The following KCNU1 variants were observed in gnomAD, a reference collection of about 807,000 sequenced individuals.
The protein encoded by KCNU1 is potassium calcium-activated channel subfamily U member 1, also known as potassium channel subfamily U member 1.
Under a neutral mutation model 126.8 loss-of-function variants are expected in KCNU1, and 93 were observed. That is an observed-to-expected ratio of 0.73 (90% CI 0.62 to 0.87). The LOEUF is 0.87. Ranked by LOEUF, KCNU1 falls within the 40% of genes least tolerant of loss-of-function variation. The probability of loss-of-function intolerance (pLI) is 0.00; values close to 1 mark genes in which losing one functional copy is unlikely to be tolerated. For synonymous variants in KCNU1, 523 were observed against 494.2 expected (o/e 1.06, Z -0.77); for missense variants, 1,330 against 1,367.1 (o/e 0.97, Z 0.43).
At chr8:36,839,590 T>C (rs139970028) in intron 14 of KCNU1, among the ~76,000 whole-genome samples, 15 of 152,316 alleles carry the variant, frequency 9.8e-5, no homozygotes, top group Non-Finnish European at 2.1e-4. Context: ...CAGAATTGTT[T>C]GTCTATGTGT....
chr8:36,792,705 G>T (rs977314720), intron 2 of KCNU1, among the ~76,000 whole-genome samples: 1 of 152,072 alleles, frequency 6.6e-6, no homozygotes, highest in Non-Finnish European at 1.5e-5. Context: ...GATGAAAAAT[G>T]CTGTCTATAG....
chr8:36,908,464 T>C (rs1358092625), intron 20 of KCNU1, among the ~76,000 whole-genome samples: 1 of 151,722 alleles, frequency 6.6e-6, no homozygotes, highest in Admixed American at 6.6e-5. Flanking sequence ...GTTGGTGTGC[T>C]GCACCCATTA....
At chr8:36,825,301 T>G (rs1318496989) in intron 10 of KCNU1, among the ~76,000 whole-genome samples, 1 of 152,220 alleles carries the variant, frequency 6.6e-6, no homozygotes, top group Non-Finnish European at 1.5e-5. Context: ...GATGATCCAT[T>G]TGTCTTGACC....
chr8:36,894,636 A>T (rs920570059), intron 19 of KCNU1, among the ~76,000 whole-genome samples: 1 of 152,148 alleles, frequency 6.6e-6, no homozygotes, highest in Non-Finnish European at 1.5e-5. Flanking sequence ...GTTATTATTT[A>T]TTCAAGGAGT....
In KCNU1 at chr8:36,814,203, A is replaced by G. The variant is rs753915460; in HGVS notation, c.733-4A>G. The G allele has an allele frequency of 9.3e-6, 15 of 1,611,782 alleles. No homozygotes were observed. The highest frequency in any genetic ancestry group is 1.3e-5 in the African/African-American group (1 of 74,974). On this transcript the variant is annotated splice_polypyrimidine_tract_variant and splice_region_variant and intron_variant, in intron 7 of 26. Coordinates refer to ENST00000399881, the MANE Select transcript of KCNU1 (RefSeq NM_001031836.3). ...TGTTTCCTGAGTCTTCTCTCTTTGG[A>G]CAGGTGGAAAATTCTGGTGATCCCT...
At chr8:36,793,627 A>G (rs1802983296) in intron 2 of KCNU1, among the ~76,000 whole-genome samples, 1 of 152,190 alleles carries the variant, frequency 6.6e-6, no homozygotes, top group South Asian at 2.1e-4. Flanking sequence ...ATTATTGGAA[A>G]CAATATTTGT....
chr8:36,877,542 A>T (rs1449103552), intron 19 of KCNU1, among the ~76,000 whole-genome samples: 1 of 152,012 alleles, frequency 6.6e-6, no homozygotes, highest in Non-Finnish European at 1.5e-5. Context: ...ATCTCAGGTG[A>T]TCCTCCTGCC....
chr8:36,831,428 C>T (rs1314336931), intron 10 of KCNU1, among the ~76,000 whole-genome samples: 1 of 152,028 alleles, frequency 6.6e-6, no homozygotes, highest in African/African-American at 2.4e-5. Flanking sequence ...CTGTTGTTTC[C>T]TGACTTTTTA....
intron 3 of KCNU1, 133 bp from the exon 4 acceptor site, chr8:36,805,062 G>T: frequency 1.7e-6 from 1 of 593,674 alleles, no homozygotes; most frequent in Middle Eastern, 4.6e-4. Context: ...TAATTTCCTT[G>T]AGATCTTAAC....
At chr8:36,841,394 G>C (rs1222749730) in intron 16 of KCNU1, among the ~76,000 whole-genome samples, 1 of 152,132 alleles carries the variant, frequency 6.6e-6, no homozygotes, top group Non-Finnish European at 1.5e-5. Context: ...CACTGGCCAT[G>C]CAAAGTAAAG....
chr8:36,923,147 A>G, intron 24 of KCNU1: 1 of 446,620 alleles, frequency 2.2e-6, no homozygotes, highest in Non-Finnish European at 4.5e-6. Flanking sequence ...GCACCTCTTT[A>G]GCCACCTGGC....
intron 10 of KCNU1, among the ~76,000 whole-genome samples, chr8:36,824,512 C>T (rs1000256382): frequency 2.0e-5 from 3 of 152,036 alleles, no homozygotes; most frequent in African/African-American, 7.2e-5. Context: ...GGGTTTGGTA[C>T]TATCTGTGGT....
At chr8:36,886,153 A>G (rs1563315395) in intron 19 of KCNU1, among the ~76,000 whole-genome samples, 1 of 152,174 alleles carries the variant, frequency 6.6e-6, no homozygotes, top group Non-Finnish European at 1.5e-5. Flanking sequence ...TCTTAGGAAA[A>G]CCCAAAGACA....
intron 18 of KCNU1, among the ~76,000 whole-genome samples, chr8:36,862,762 G>A (rs935600236): frequency 6.6e-6 from 1 of 152,042 alleles, no homozygotes; most frequent in African/African-American, 2.4e-5. Flanking sequence ...GCTGACACAT[G>A]TTATTGGCTG....
chr8:36,866,886 G>A (rs1213535329), intron 19 of KCNU1, among the ~76,000 whole-genome samples: 1 of 152,086 alleles, frequency 6.6e-6, no homozygotes, highest in African/African-American at 2.4e-5. Context: ...TGCTCCCAAT[G>A]CAAAGAAAGG....
At chr8:36,825,091 A>G (rs922269867) in intron 10 of KCNU1, among the ~76,000 whole-genome samples, 1 of 152,214 alleles carries the variant, frequency 6.6e-6, no homozygotes, top group South Asian at 2.1e-4. Context: ...CTGGTGCCCT[A>G]CATCCTACTA....
chr8:36,796,949 T>C (rs1462583319), intron 2 of KCNU1, among the ~76,000 whole-genome samples: 1 of 152,174 alleles, frequency 6.6e-6, no homozygotes, highest in African/African-American at 2.4e-5. Context: ...AATATCTAAA[T>C]ATTAGTGGCT....
At chr8:36,823,934 T>G (rs1804223488) in intron 10 of KCNU1, among the ~76,000 whole-genome samples, 1 of 151,450 alleles carries the variant, frequency 6.6e-6, no homozygotes, top group Non-Finnish European at 1.5e-5. Context: ...GCCTCCCAGA[T>G]TCAAGTGATT....
chr8:36,875,662 A>G (rs1213074164), intron 19 of KCNU1, among the ~76,000 whole-genome samples: 1 of 152,104 alleles, frequency 6.6e-6, no homozygotes, highest in African/African-American at 2.4e-5. Context: ...TATGATTAAT[A>G]CCTTTATATT....
Sources: gnomAD v4.1 joint callset for allele counts (sites outside exome capture counted in the v4.1 genomes callset) on GRCh38, gnomAD v4.1.1 for gene constraint, MANE v1.5 for transcripts, NCBI Gene and HGNC (gene_info 2026-07-23, HGNC 2026-07-21) for gene names.